YEATS2: variants seen among roughly 807,000 people sequenced by gnomAD.
YEATS2 encodes YEATS domain-containing protein 2.
YEATS2 carries 77 observed loss-of-function variants against 163.2 expected under a neutral mutation model. The ratio of observed to expected loss-of-function variants is 0.47; its 90% confidence interval spans 0.39 to 0.57. The LOEUF (loss-of-function observed/expected upper bound fraction) is 0.57, where lower values mean the gene tolerates loss of function less well. Ranked by LOEUF, YEATS2 falls within the 20% of genes least tolerant of loss-of-function variation. YEATS2 has a pLI of 0.00. For synonymous variants in YEATS2, 631 were observed against 645.1 expected (o/e 0.98, Z 0.33); for missense variants, 1,549 against 1,729.8 (o/e 0.90, Z 1.85).
At chr3:183,765,600 G>A (rs1002155066) in intron 15 of YEATS2, among the ~76,000 whole-genome samples, 2 of 152,206 alleles carry the variant, frequency 1.3e-5, no homozygotes, top group African/African-American at 2.4e-5. Flanking sequence ...ATAAGGAGCT[G>A]TCTGTGAGTA....
intron 15 of YEATS2, among the ~76,000 whole-genome samples, chr3:183,770,340 C>T (rs527516433): frequency 1.0e-3 from 155 of 151,864 alleles, no homozygotes; most frequent in Non-Finnish European, 1.3e-3. Context: ...GCCGAGATTG[C>T]GCCACTTCCT....
At chr3:183,728,590 G>A in intron 6 of YEATS2, 100 bp from the exon 7 acceptor site, 1 of 1,144,054 alleles carries the variant, frequency 8.7e-7, no homozygotes, top group Non-Finnish European at 1.2e-6. Context: ...AAATATTGCA[G>A]GAATTTTAAC....
intron 5 of YEATS2, among the ~76,000 whole-genome samples, chr3:183,723,941 T>C (rs1417769039): frequency 1.3e-5 from 2 of 152,154 alleles, no homozygotes; most frequent in Admixed American, 6.6e-5. Flanking sequence ...ATAATGGTCA[T>C]AGAAACTTAA....
At chr3:183,739,042 C>T (rs1273607035) in intron 8 of YEATS2, among the ~76,000 whole-genome samples, 1 of 146,438 alleles carries the variant, frequency 6.8e-6, no homozygotes, top group Non-Finnish European at 1.5e-5. Flanking sequence ...GTTCCTATTT[C>T]TCCACATCCT....
intron 2 of YEATS2, among the ~76,000 whole-genome samples, chr3:183,717,358 A>C (rs990635533): frequency 6.6e-6 from 1 of 152,194 alleles, no homozygotes; most frequent in Non-Finnish European, 1.5e-5. Flanking sequence ...ATAATTTTAT[A>C]GAATGTCTTT....
At chr3:183,737,274 C>G (rs1718440049) in intron 8 of YEATS2, among the ~76,000 whole-genome samples, 9 of 152,134 alleles carry the variant, frequency 5.9e-5, no homozygotes, top group Admixed American at 5.9e-4. Context: ...CAGATCTGTG[C>G]AGTTCAAACC....
Position 183,718,515 on chromosome 3 carries a change from A to G in YEATS2, c.214A>G (p.Arg72Gly). The G allele has an allele frequency of 1.2e-6, 2 of 1,612,656 alleles. No individual in the cohort carries two copies. Among genetic ancestry groups the G allele is most frequent in the Admixed American group, 1.7e-5 (1 of 59,738 alleles). The part of the protein sequence containing the change: ...EVIDQRLIEA[R>G]RMMDKLRACI... ...TTGTTTTTAGCGACTGATTGAAGCA[A>G]GAAGGATGATGGATAAACTGCGTGC... Residue 72 changes from arginine to glycine, a missense_variant, in exon 4 of 31, where the codon AGA (arginine) becomes GGA (glycine). Transcript: ENST00000305135.
intron 9 of YEATS2, among the ~76,000 whole-genome samples, chr3:183,748,698 C>A (rs546695169): frequency 7.2e-5 from 11 of 152,144 alleles, no homozygotes; most frequent in Admixed American, 2.6e-4. Context: ...TTGCTAGACT[C>A]CAGCCATTCT....
At chr3:183,771,040 C>T (rs1722405453) in intron 15 of YEATS2, among the ~76,000 whole-genome samples, 1 of 152,118 alleles carries the variant, frequency 6.6e-6, no homozygotes, top group South Asian at 2.1e-4. Flanking sequence ...AGGATATATT[C>T]CTAAAAACAA....
intron 8 of YEATS2, among the ~76,000 whole-genome samples, chr3:183,741,819 A>T (rs998419551): frequency 1.2e-4 from 18 of 152,102 alleles, no homozygotes; most frequent in Admixed American, 9.8e-4. Flanking sequence ...ATGTATAAGG[A>T]GATTAATGTT....
intron 21 of YEATS2, among the ~76,000 whole-genome samples, chr3:183,796,043 C>T (rs1030910625): frequency 3.5e-5 from 5 of 142,266 alleles, no homozygotes; most frequent in East Asian, 2.1e-4. Flanking sequence ...AGTGCAATGG[C>T]GTGATCTCGG....
rs1421174010 is a variant in YEATS2, at chr3:183,786,225, T to G, written c.2837T>G (p.Leu946Arg). 6.2e-7 allele frequency: 1 copy of G among 1,614,040 alleles called. No individual in the cohort carries two copies. Among genetic ancestry groups the G allele is most frequent in the East Asian group, 2.2e-5 (1 of 44,890 alleles). ...CTCTCGAAGCCTGGAACCACAATGC[T>G]GAGAGTAGCAGGAGGGGTTATCACA... ...SQLSKPGTTM[L>R]RVAGGVITTA... The change falls in exon 20 of 31, where the codon CTG becomes CGG. Residue 946 changes from leucine (L) to arginine (R), a missense_variant. Transcript: ENST00000305135.
rs869091775 is a variant in YEATS2 at position 183,730,052 on chromosome 3, G to GTTTTTTTTTTTTTTTTTTT, written c.812+1218_812+1236dup. On this transcript the variant is annotated intron_variant, in intron 7 of 30. Transcript: ENST00000305135. ...ATATTAATTGTGTGGTTTTTTGTTT[G>GTTTTTTTTTTTTTTTTTTT]TTTTTTTTTTTTTTTTTTTTTTTTT... Among the ~76,000 whole-genome samples the GTTTTTTTTTTTTTTTTTTT allele has an allele frequency of 9.6e-5, 4 of 41,698 alleles. 1 individual carries two copies. The highest frequency in any genetic ancestry group is 1.6e-4 in the African/African-American group (2 of 12,130). 27.4% of individuals were successfully genotyped at this position (41,698 alleles called of 152,430 possible). A position where few individuals can be genotyped will look rare whatever the true frequency, so the allele number is the denominator to read the frequency against.
chr3:183,771,934 C>G (rs1248502659), intron 15 of YEATS2, among the ~76,000 whole-genome samples: 1 of 151,852 alleles, frequency 6.6e-6, no homozygotes, highest in African/African-American at 2.4e-5. Context: ...ACCATGTTGG[C>G]CAGGCTGGTC....
chr3:183,746,382 G>T (rs1719539824), intron 8 of YEATS2, among the ~76,000 whole-genome samples: 1 of 152,150 alleles, frequency 6.6e-6, no homozygotes, highest in African/African-American at 2.4e-5. Context: ...AAATAATACA[G>T]AATAAGGCTT....
At chr3:183,774,521 C>A (rs1299307337) in intron 17 of YEATS2, among the ~76,000 whole-genome samples, 1 of 152,124 alleles carries the variant, frequency 6.6e-6, no homozygotes, top group African/African-American at 2.4e-5. Flanking sequence ...GTATTCCTTA[C>A]TTCTGCTAGG....
At position 183,743,873 on chromosome 3, in the gene YEATS2, C is replaced by T. The variant is rs146181571; in HGVS notation, c.925-3799C>T. 7.9e-3 allele frequency among the ~76,000 whole-genome samples: 1,197 copies of T among 152,194 alleles called. 10 individuals are homozygous for T. Among genetic ancestry groups the T allele is most frequent in the Non-Finnish European group, 0.013 (884 of 68,006 alleles). On this transcript the variant is annotated intron_variant, in intron 8 of 30. Transcript: ENST00000305135. ...GTAGAATTCCTTTTTCATTCCCTTT[C>T]TTCTACAAATGGACCTCTTTCAAGC...
intron 28 of YEATS2, 49 bp downstream of exon 28, chr3:183,807,141 A>G (rs1462867044): frequency 1.4e-5 from 21 of 1,535,138 alleles, no homozygotes; most frequent in Non-Finnish European, 1.9e-5. Flanking sequence ...GCTCAGAGCT[A>G]GATGTTCAGA....
In YEATS2 at chr3:183,790,853, T is replaced by C. The variant is rs770533849; in HGVS notation, c.2970T>C (p.Ser990=). Residue 990 remains serine, a synonymous_variant, in exon 21 of 31, where the codon TCT becomes TCC. Transcript: ENST00000305135. ...SSTVSSVTKT[S]GQQQVCVSQA... ...CGGTCAGTTCTGTAACGAAAACTTC[T>C]GGGCAGCAGCAAGTGTGTGTGAGCC... is the stretch of plus-strand genomic sequence containing the variant. 3 of 1,614,190 alleles carry C rather than the reference T, an allele frequency of 1.9e-6. No individual in the cohort carries two copies. Among genetic ancestry groups the C allele is most frequent in the Admixed American group, 1.7e-5 (1 of 60,020 alleles).
Sources: gnomAD v4.1 joint callset for allele counts (sites outside exome capture counted in the v4.1 genomes callset) on GRCh38, gnomAD v4.1.1 for gene constraint, MANE v1.5 for transcripts, NCBI Gene and HGNC (gene_info 2026-07-23, HGNC 2026-07-21) for gene names.